VPS13B: variants seen among roughly 807,000 people sequenced by gnomAD.
VPS13B encodes the protein intermembrane lipid transfer protein VPS13B.
VPS13B carries 285 observed loss-of-function variants against 426.4 expected under a neutral mutation model. That is an observed-to-expected ratio of 0.67 (90% CI 0.61 to 0.74). The LOEUF (loss-of-function observed/expected upper bound fraction) is 0.74, where lower values mean the gene tolerates loss of function less well. Ranked by LOEUF, VPS13B falls within the 30% of genes least tolerant of loss-of-function variation. The pLI, the probability that VPS13B is intolerant of heterozygous loss-of-function variation, is 0.00. For missense variants in VPS13B, 4,537 were observed against 4,782.6 expected, an observed-to-expected ratio of 0.95 and a Z score of 1.51; for synonymous variants, 1,676 against 1,676.4, an observed-to-expected ratio of 1.00 and a Z score of 0.01.
At chr8:99,418,530 C>CTTTCT (rs146177891) in intron 21 of VPS13B, among the ~76,000 whole-genome samples, 27 of 114,100 alleles carry the variant, frequency 2.4e-4, no homozygotes, top group South Asian at 8.4e-4. Flanking sequence ...CTTTCTTTCT[C>CTTTCT]TTTCTTTTCT....
At chr8:99,294,475 G>A (rs912886915) in intron 19 of VPS13B, among the ~76,000 whole-genome samples, 1 of 148,576 alleles carries the variant, frequency 6.7e-6, no homozygotes. Flanking sequence ...CACCAGCATG[G>A]CACATGTATA....
chr8:99,560,531 G>A (rs1004295625), intron 31 of VPS13B, among the ~76,000 whole-genome samples: 10 of 152,126 alleles, frequency 6.6e-5, no homozygotes, highest in Admixed American at 1.3e-4. Context: ...TAGCACTGCC[G>A]TATATAAAAT....
Position 99,089,849 on chromosome 8 carries a change from G to A in VPS13B, c.292-6463G>A, listed in dbSNP as rs139634324. Reference sequence around the variant, plus strand: ...TCCCCACAAGAGACAGCTTTATAGGGCCATTTCAAAATATGTATAAGGGTT... The same window carrying A: ...TCCCCACAAGAGACAGCTTTATAGGACCATTTCAAAATATGTATAAGGGTT... On this transcript the variant is annotated intron_variant, in intron 3 of 61. Coordinates refer to ENST00000357162, the MANE Select transcript of VPS13B (RefSeq NM_152564.5). 1.8e-4 allele frequency among the ~76,000 whole-genome samples: 28 copies of A among 152,228 alleles called. No homozygotes were observed. In the East Asian group the frequency reaches 5.2e-3, roughly 28 times the overall value.
chr8:99,271,673 C>T (rs985289054), intron 17 of VPS13B, among the ~76,000 whole-genome samples: 3 of 152,180 alleles, frequency 2.0e-5, no homozygotes, highest in Non-Finnish European at 4.4e-5. Context: ...GCTCAGGAAA[C>T]TTACAATTAT....
At chr8:99,572,611 T>C (rs1049983976) in intron 31 of VPS13B, among the ~76,000 whole-genome samples, 10 of 152,358 alleles carry the variant, frequency 6.6e-5, no homozygotes, top group African/African-American at 1.9e-4. Flanking sequence ...GCTTCATCCA[T>C]GTCCCTACAA....
At chr8:99,808,090 T>C (rs1813496263) in intron 43 of VPS13B, among the ~76,000 whole-genome samples, 1 of 152,118 alleles carries the variant, frequency 6.6e-6, no homozygotes, top group African/African-American at 2.4e-5. Context: ...TACAGGAGGT[T>C]TTCAAAGTTT....
chr8:99,088,399 ATTC>A (rs1845961456), intron 3 of VPS13B, among the ~76,000 whole-genome samples: 1 of 152,274 alleles, frequency 6.6e-6, no homozygotes, highest in African/African-American at 2.4e-5. Flanking sequence ...GTTAGATTAT[ATTC>A]TTCTTTCTTA....
intron 45 of VPS13B, 123 bp downstream of exon 45, chr8:99,817,926 C>T: frequency 7.0e-7 from 1 of 1,420,486 alleles, no homozygotes; most frequent in African/African-American, 1.4e-5. Flanking sequence ...GAGTGAAAGG[C>T]TTTGAATAGT....
At chr8:99,350,396 G>A (rs1034627369) in intron 19 of VPS13B, among the ~76,000 whole-genome samples, 26 of 152,156 alleles carry the variant, frequency 1.7e-4, no homozygotes, top group Non-Finnish European at 4.4e-5. Flanking sequence ...GTTGCAGTGT[G>A]GAGAACTGGT....
chr8:99,471,590 A>T (rs941502714), intron 24 of VPS13B, among the ~76,000 whole-genome samples: 1 of 152,194 alleles, frequency 6.6e-6, no homozygotes, highest in African/African-American at 2.4e-5. Context: ...CCAAAAGAAG[A>T]TGGGAAAAAG....
chr8:99,153,883 T>C (rs1399201267), intron 14 of VPS13B, among the ~76,000 whole-genome samples: 2 of 151,946 alleles, frequency 1.3e-5, no homozygotes, highest in Non-Finnish European at 2.9e-5. Context: ...GGAAACAAAT[T>C]CTCTGAATTT....
At chr8:99,724,090 C>T (rs989216516) in intron 39 of VPS13B, among the ~76,000 whole-genome samples, 12 of 152,262 alleles carry the variant, frequency 7.9e-5, no homozygotes, top group Middle Eastern at 6.8e-3. Context: ...AATATTAGAA[C>T]GATACAAAAT....
chr8:99,251,117 G>A (rs1200874886), intron 17 of VPS13B, among the ~76,000 whole-genome samples: 1 of 152,008 alleles, frequency 6.6e-6, no homozygotes, highest in Non-Finnish European at 1.5e-5. Context: ...GGACAGCATT[G>A]CTTTTTTGTT....
At chr8:99,495,347 T>C (rs1339339714) in intron 25 of VPS13B, among the ~76,000 whole-genome samples, 1 of 152,242 alleles carries the variant, frequency 6.6e-6, no homozygotes, top group East Asian at 1.9e-4. Flanking sequence ...GTATTTTCAG[T>C]TTGTTTTTTG....
chr8:99,417,780 C>T (rs1055703576), intron 21 of VPS13B, among the ~76,000 whole-genome samples: 1 of 151,934 alleles, frequency 6.6e-6, no homozygotes, highest in African/African-American at 2.4e-5. Context: ...TTCCCCTTAC[C>T]TTACTTTGTT....
At chr8:99,766,561 T>C (rs1811237391) in intron 39 of VPS13B, among the ~76,000 whole-genome samples, 1 of 152,232 alleles carries the variant, frequency 6.6e-6, no homozygotes, top group Admixed American at 6.5e-5. Flanking sequence ...ATTTTGGCTG[T>C]TTTTATATAT....
chr8:99,414,664 C>T (rs1006606671), intron 21 of VPS13B, among the ~76,000 whole-genome samples: 32 of 152,120 alleles, frequency 2.1e-4, no homozygotes, highest in Admixed American at 1.8e-3. Context: ...TTTTATTTCT[C>T]CTTCGCTTAT....
intron 27 of VPS13B, 25 bp from the exon 28 acceptor site, chr8:99,507,112 G>T: frequency 1.9e-6 from 3 of 1,613,570 alleles, no homozygotes; most frequent in Non-Finnish European, 2.5e-6. Flanking sequence ...GAAGAGAACA[G>T]ATAAGGTGAA....
At chr8:99,753,873 C>G (rs1007777589) in intron 39 of VPS13B, among the ~76,000 whole-genome samples, 1 of 152,110 alleles carries the variant, frequency 6.6e-6, no homozygotes, top group East Asian at 1.9e-4. Context: ...ATGCAGTAAG[C>G]CACAATACCA....
Sources: allele counts gnomAD v4.1 joint callset (sites outside exome capture counted in the v4.1 genomes callset), GRCh38; gene constraint gnomAD v4.1.1; transcripts MANE v1.5; gene names NCBI Gene and HGNC (gene_info 2026-07-23, HGNC 2026-07-21).